EIF5B: variants seen among roughly 807,000 people sequenced by gnomAD.
The protein encoded by EIF5B is eukaryotic translation initiation factor 5B.
Under a neutral mutation model 147.5 loss-of-function variants are expected in EIF5B, and 47 were observed. The observed-to-expected ratio is 0.32, with a 90% CI of 0.25 to 0.41. EIF5B has a LOEUF of 0.41. EIF5B is among the 10% of genes least tolerant of loss of function. The probability of loss-of-function intolerance (pLI) is 1.00; values close to 1 mark genes in which losing one functional copy is unlikely to be tolerated. For missense variants in EIF5B, 1,064 were observed against 1,413.2 expected (o/e 0.75, Z 3.96); for synonymous variants, 455 against 456.2 (o/e 1.00, Z 0.03).
At chr2:99,368,460 A>G (rs1674374176) in intron 6 of EIF5B, 33 bp from the exon 7 acceptor site, 1 of 1,519,972 alleles carries the variant, frequency 6.6e-7, no homozygotes, top group Non-Finnish European at 9.1e-7. Flanking sequence ...TGCAAGTAGT[A>G]TAAGCCTGAA....
In EIF5B at chr2:99,337,396, A is replaced by G. The variant is rs988085746; in HGVS notation, c.-159A>G. 3 of 881,040 alleles carry G rather than the reference A, an allele frequency of 3.4e-6. No individual in the cohort carries two copies. The highest frequency in any genetic ancestry group is 5.5e-6 in the Non-Finnish European group (3 of 546,964). 54.6% of individuals were successfully genotyped at this position (881,040 alleles called of 1,614,324 possible). A position where few individuals can be genotyped will look rare whatever the true frequency, so the allele number is the denominator to read the frequency against. The stretch of plus-strand genomic sequence containing the variant: ...CTTGCGCACTGAGAACTCACACCAT[A>G]TGTGTCCTGTTCCAGTGCGCGGGTC... On this transcript the variant is annotated 5_prime_UTR_variant, in exon 1 of 24. In the 5' UTR this introduces an upstream ATG that the reference lacks. Transcript: ENST00000289371.
rs1357383700 is a variant in EIF5B, at chr2:99,390,408, A to G, written c.2586+7A>G. ...GAGAGCACAGGTGATGGAGGTAATG[A>G]TCAACTTTTCAGTTTATTGTTTTTT... On this transcript the variant is annotated splice_region_variant and intron_variant, in intron 16 of 23. Transcript: ENST00000289371. The G allele has an allele frequency of 6.3e-7, 1 of 1,592,256 alleles. No individual in the cohort carries two copies. Among genetic ancestry groups the G allele is most frequent in the African/African-American group, 1.4e-5 (1 of 71,748 alleles).
At chr2:99,382,085 C>A in intron 12 of EIF5B, 74 bp from the exon 13 acceptor site, 2 of 1,320,528 alleles carry the variant, frequency 1.5e-6, no homozygotes, top group South Asian at 1.3e-5. Flanking sequence ...AGTTTTATGG[C>A]AAAAGGATTG....
At position 99,396,818 on chromosome 2, in the gene EIF5B, C is replaced by T. The variant is rs1675058879; in HGVS notation, c.3313C>T (p.Arg1105Ter). ...CCTCCCTCAGTACATTTTTAATTCT[C>T]GAGATCCGATAGTGATGGGGGTGAC... ...KILPQYIFNS[R>*]DPIVMGVTVE... Residue 1105 changes from arginine (R) to a stop codon, truncating the protein, a stop_gained, in exon 22 of 24, where the codon CGA becomes TGA. Coordinates refer to ENST00000289371, the MANE Select transcript of EIF5B (RefSeq NM_015904.4). LOFTEE classifies it high-confidence loss of function. 6.2e-7 allele frequency: 1 copy of T among 1,613,562 alleles called. No individual in the cohort carries two copies. The highest frequency in any genetic ancestry group is 8.5e-7 in the Non-Finnish European group (1 of 1,179,824).
In EIF5B at chr2:99,400,366, C is replaced by A. The variant is rs1675204640; in HGVS notation, c.*952C>A. On this transcript the variant is annotated 3_prime_UTR_variant, in exon 24 of 24. Transcript: ENST00000289371. ...TAGTGCTTCTAAATTGTTGCAGACA[C>A]AAAACTTAATGATTCATTCGTAGTA... 1 of 152,148 alleles carries A rather than the reference C, an allele frequency of 6.6e-6. No homozygotes were observed. The highest frequency in any genetic ancestry group is 2.4e-5 in the African/African-American group (1 of 41,438). The allele number at this position is 152,148 out of a possible 1,614,324, so 9.4% of individuals were successfully genotyped here. A position where few individuals can be genotyped will look rare whatever the true frequency, so the allele number is the denominator to read the frequency against.
At chr2:99,393,308 A>G (rs925592121) in intron 18 of EIF5B, among the ~76,000 whole-genome samples, 1 of 152,126 alleles carries the variant, frequency 6.6e-6, no homozygotes, top group Non-Finnish European at 1.5e-5. Flanking sequence ...TAGAATTATA[A>G]AAATAATGCA....
chr2:99,381,627 A>G (rs966054103), intron 12 of EIF5B, among the ~76,000 whole-genome samples: 4 of 151,730 alleles, frequency 2.6e-5, no homozygotes, highest in Non-Finnish European at 4.4e-5. Flanking sequence ...TGTTACTTCC[A>G]TTCATTTATG....
chr2:99,361,221 G>T lies in EIF5B; in HGVS notation c.320G>T (p.Ser107Ile). 6.2e-7 allele frequency: 1 copy of T among 1,607,204 alleles called. No individual in the cohort carries two copies. Among genetic ancestry groups the T allele is most frequent in the Non-Finnish European group, 8.5e-7 (1 of 1,178,406 alleles). Residue 107 changes from serine to isoleucine, a missense_variant, in exon 4 of 24, where the codon AGT becomes ATT. Transcript: ENST00000289371. ...AAAGGACAGAAGGGCAAAAAACAGA[G>T]TTTTGATGATAATGATAGCGAAGAA... is the stretch of plus-strand genomic sequence containing the variant. ...KKKGQKGKKQ[S>I]FDDNDSEELE...
chr2:99,384,330 G>T (rs901351996), intron 14 of EIF5B, among the ~76,000 whole-genome samples: 1 of 151,926 alleles, frequency 6.6e-6, no homozygotes, highest in African/African-American at 2.4e-5. Context: ...ACTGCTCAGA[G>T]AAAAAGATTG....
Position 99,338,993 on chromosome 2 carries a change from A to AATATATATATACAAATATATATATATAT in EIF5B, c.35+1417_35+1418insAATATATATATATATATATATATATACA, listed in dbSNP as rs376574073. Among the ~76,000 whole-genome samples the AATATATATATACAAATATATATATATAT allele has an allele frequency of 2.0e-4, 26 of 132,700 alleles. No individual in the cohort carries two copies. The East Asian group carries it at 2.2e-3, about 11-fold the overall frequency. 87.1% of individuals were successfully genotyped at this position (132,700 alleles called of 152,430 possible). On this transcript the variant is annotated intron_variant, in intron 1 of 23. Transcript: ENST00000289371. ...ATATATATATACAAATATATACACA[A>AATATATATATACAAATATATATATATAT]ATATATATATACATTTTTTTTTTTT... is the stretch of plus-strand genomic sequence containing the variant.
chr2:99,376,663 T>C (rs1429984508), intron 10 of EIF5B, 27 bp downstream of exon 10: 2 of 1,570,610 alleles, frequency 1.3e-6, no homozygotes, highest in Non-Finnish European at 1.7e-6. Context: ...TTCTCTCTAC[T>C]TTTCTTCCCA....
chr2:99,346,589 CTTTTTTTTTT>C (rs773411395), intron 1 of EIF5B, among the ~76,000 whole-genome samples: 15 of 61,670 alleles, frequency 2.4e-4, no homozygotes, highest in Middle Eastern at 0.023. Flanking sequence ...AGTTGTATCT[CTTTTTTTTTT>C]TTTTTTTTTT....
intron 1 of EIF5B, among the ~76,000 whole-genome samples, chr2:99,348,385 G>GT (rs932518981): frequency 1.3e-5 from 2 of 152,204 alleles, no homozygotes; most frequent in African/African-American, 4.8e-5. Flanking sequence ...AAGATTTGTG[G>GT]TTATAAGTGG....
rs1674967520 is a variant in EIF5B, at chr2:99,392,992, T to C, written c.2774T>C (p.Val925Ala). 2 of 1,562,472 alleles carry C rather than the reference T, an allele frequency of 1.3e-6. No individual in the cohort carries two copies. Among genetic ancestry groups the C allele is most frequent in the Non-Finnish European group, 1.7e-6 (2 of 1,155,386 alleles). ...AACCAGTATGAAAAGCATAAAGAAG[T>C]AGAAGCAGCTCAGGGGGTAAAGATT... The part of the protein sequence containing the change: ...VKNQYEKHKE[V>A]EAAQGVKILG... Residue 925 changes from valine (V) to alanine (A), a missense_variant, in exon 18 of 24, where the codon GTA becomes GCA. Coordinates refer to ENST00000289371, the MANE Select transcript of EIF5B (RefSeq NM_015904.4).
chr2:99,373,096 T>C lies in EIF5B; in HGVS notation c.1552+1366T>C, dbSNP rs541217956. ...TGAATTGACTCTTTTATCATTGATA[T>C]ATATATTTCTAACAATGCCTTTTGA... On this transcript the variant is annotated intron_variant, in intron 9 of 23. Coordinates refer to ENST00000289371, the MANE Select transcript of EIF5B (RefSeq NM_015904.4). Among the ~76,000 whole-genome samples the C allele has an allele frequency of 3.9e-5, 6 of 152,340 alleles. No individual in the cohort carries two copies. In the South Asian group the frequency reaches 1.0e-3, roughly 26 times the overall value.
chr2:99,371,620 A>T (rs1005296279), intron 8 of EIF5B, 36 bp from the exon 9 acceptor site: 2 of 1,578,304 alleles, frequency 1.3e-6, no homozygotes, highest in Non-Finnish European at 1.7e-6. Flanking sequence ...ATTTCTAAAT[A>T]ATTTTTGTGT....
Position 99,376,653 on chromosome 2 carries a change from TTCTC to T in EIF5B, c.1842+21_1842+24del, listed in dbSNP as rs1674570212. The T allele has an allele frequency of 6.3e-7, 1 of 1,577,600 alleles. No individual in the cohort carries two copies. ...AGGATTGAGGTATTTATTTTACCGT[TTCTC>T]TCTACTTTTCTTCCCACTCCTCTGT... is the stretch of plus-strand genomic sequence containing the variant. On this transcript the variant is annotated intron_variant, in intron 10 of 23. Coordinates refer to ENST00000289371, the MANE Select transcript of EIF5B (RefSeq NM_015904.4).
chr2:99,379,526 C>CCATAT, intron 12 of EIF5B, 98 bp downstream of exon 12: 1 of 836,778 alleles, frequency 1.2e-6, no homozygotes, highest in Admixed American at 3.0e-5. Flanking sequence ...GATAACAGCT[C>CCATAT]CATATACTCA....
intron 6 of EIF5B, among the ~76,000 whole-genome samples, chr2:99,365,057 G>T (rs1674299608): frequency 6.6e-6 from 1 of 152,160 alleles, no homozygotes; most frequent in African/African-American, 2.4e-5. Context: ...AAGGTAAGGT[G>T]ATTTAAAATA....
Sources: gnomAD v4.1 joint callset for allele counts (sites outside exome capture counted in the v4.1 genomes callset) on GRCh38, gnomAD v4.1.1 for gene constraint, MANE v1.5 for transcripts, NCBI Gene and HGNC (gene_info 2026-07-23, HGNC 2026-07-21) for gene names.